The following CARMIL2 variants were observed in gnomAD, a reference collection of about 807,000 sequenced individuals.
CARMIL2 encodes the protein capping protein regulator and myosin 1 linker 2.
A neutral mutation model predicts 173.3 loss-of-function variants in CARMIL2; 96 were observed. That is an observed-to-expected ratio of 0.55 (90% CI 0.47 to 0.66). The LOEUF (loss-of-function observed/expected upper bound fraction) is 0.66, where lower values mean the gene tolerates loss of function less well. Among genes scored for constraint, CARMIL2 ranks in the 30% least tolerant of loss-of-function variants. CARMIL2 has a pLI of 0.00. For missense variants in CARMIL2, 1,771 were observed against 1,906.7 expected (o/e 0.93, Z 1.33); for synonymous variants, 830 against 817.1 (o/e 1.02, Z -0.27).
rs761866777 is a variant in CARMIL2 at position 67,652,220 on chromosome 16, G to A, written c.2698G>A (p.Ala900Thr). 4 of 1,612,734 alleles carry A rather than the reference G, an allele frequency of 2.5e-6. No homozygotes were observed. In the African/African-American group the frequency reaches 4.0e-5, roughly 16 times the overall value. ...GCAGGTGGAGAGTCTGGCTCAGCAG[G>A]CAACAGTGACAATGCCCCCTGCCCT... Reference protein sequence around the residue: ...DQLVESLAQQATVTMPPALPA... With the variant: ...DQLVESLAQQTTVTMPPALPA... Residue 900 changes from alanine (A) to threonine (T), a missense_variant, in exon 27 of 38, where the codon GCA becomes ACA. This residue lies in a region of CARMIL2 where 817 missense variants were observed against 903.5 expected (regional missense o/e 0.90). Coordinates refer to ENST00000334583, the MANE Select transcript of CARMIL2 (RefSeq NM_001013838.3). This position sits in a 1 kb window ranked among gnomAD's most constrained non-coding sequence, Gnocchi z 4.7.
rs747297516 is a variant in CARMIL2 at position 67,649,143 on chromosome 16, G to A, written c.1659G>A (p.Ala553=). Residue 553 remains alanine (A), a synonymous_variant, in exon 18 of 38, where the codon GCG becomes GCA. Coordinates refer to ENST00000334583, the MANE Select transcript of CARMIL2 (RefSeq NM_001013838.3). The surrounding 1 kb of genome is among the most constrained non-coding windows in gnomAD (Gnocchi z 6.7). ...IGRSRSLRHV[A]LGRNFNVRCK... ...GAAGCCGGTCCCTGAGACATGTGGC[G>A]CTTGGAAGGAACTTCAACGTCCGGT... is the stretch of plus-strand genomic sequence containing the variant. The A allele has an allele frequency of 2.5e-6, 4 of 1,613,544 alleles. No individual in the cohort carries two copies. The South Asian group carries it at 3.3e-5, about 13-fold the overall frequency.
chr16:67,645,960 G>A, intron 3 of CARMIL2, 58 bp from the exon 4 acceptor site: 7 of 1,607,228 alleles, frequency 4.4e-6, no homozygotes, highest in Non-Finnish European at 6.0e-6. Flanking sequence ...CCAAAGGACT[G>A]GACTTCCATG....
Position 67,647,839 on chromosome 16 carries a change from C to A in CARMIL2, c.959-7C>A. 4.4e-6 allele frequency: 7 copies of A among 1,605,862 alleles called. No homozygotes were observed. The highest frequency in any genetic ancestry group is 5.9e-6 in the Non-Finnish European group (7 of 1,176,812). On this transcript the variant is annotated splice_polypyrimidine_tract_variant and splice_region_variant and intron_variant, in intron 12 of 37. Transcript: ENST00000334583. ...CCAACTGCTGAGTGACCCCGACCCA[C>A]CACCAGGAATGAGGGCTCTGGGCCG... is the stretch of plus-strand genomic sequence containing the variant.
chr16:67,650,353 G>C, intron 22 of CARMIL2: 1 of 591,196 alleles, frequency 1.7e-6, no homozygotes, highest in South Asian at 2.0e-5. Context: ...GCTGCCTAAC[G>C]TTAAGCCTGT....
rs761849461 is a variant in CARMIL2, at chr16:67,646,893, C to T, written c.538-7C>T. 1.7e-5 allele frequency: 28 copies of T among 1,613,796 alleles called. No homozygotes were observed. Among genetic ancestry groups the T allele is most frequent in the Non-Finnish European group, 2.3e-5 (27 of 1,179,870 alleles). On this transcript the variant is annotated splice_polypyrimidine_tract_variant and splice_region_variant and intron_variant, in intron 7 of 37. Coordinates refer to ENST00000334583, the MANE Select transcript of CARMIL2 (RefSeq NM_001013838.3). The surrounding 1 kb of genome is among the most constrained non-coding windows in gnomAD (Gnocchi z 4.6). ...AGGCGAACTGTAAGCATCTCCTTCT[C>T]ACCCAGGACGTGGACACCATTTACC...
chr16:67,649,742 T>C lies in CARMIL2; in HGVS notation c.1920-64T>C. 2 of 1,582,486 alleles carry C rather than the reference T, an allele frequency of 1.3e-6. No individual in the cohort carries two copies. The highest frequency in any genetic ancestry group is 8.6e-7 in the Non-Finnish European group (1 of 1,163,134). Reference sequence around the variant, plus strand: ...GAGCAGGCTGACGAGGCGAATGGACTAGGCCGAGGGTTGGGTGGGGCGTTG... The same window carrying C: ...GAGCAGGCTGACGAGGCGAATGGACCAGGCCGAGGGTTGGGTGGGGCGTTG... On this transcript the variant is annotated intron_variant, in intron 20 of 37. Coordinates refer to ENST00000334583, the MANE Select transcript of CARMIL2 (RefSeq NM_001013838.3). The surrounding 1 kb of genome is among the most constrained non-coding windows in gnomAD (Gnocchi z 6.7).
intron 31 of CARMIL2, 24 bp from the exon 32 acceptor site, chr16:67,654,754 C>T: frequency 6.2e-7 from 1 of 1,612,670 alleles, no homozygotes; most frequent in Non-Finnish European, 8.5e-7. Context: ...GGACTGTCTC[C>T]AACTCGAGCA....
Position 67,652,396 on chromosome 16 carries a change from AGT to A in CARMIL2, c.2817+61_2817+62del. 1.3e-5 allele frequency: 21 copies of A among 1,611,902 alleles called. No homozygotes were observed. The highest frequency in any genetic ancestry group is 1.8e-5 in the Non-Finnish European group (21 of 1,178,782). On this transcript the variant is annotated intron_variant, in intron 27 of 37. Transcript: ENST00000334583. The surrounding 1 kb of genome is among the most constrained non-coding windows in gnomAD (Gnocchi z 4.7). ...TCCCAGTCTTCCCATCTTGCTGTGG[AGT>A]GTGGAAGGTGAAAGGCAGCTCTTTT...
At chr16:67,647,446 A>G in intron 10 of CARMIL2, 59 bp downstream of exon 10, 1 of 1,556,382 alleles carries the variant, frequency 6.4e-7, no homozygotes, top group South Asian at 1.2e-5. Flanking sequence ...ACTGGGGGCT[A>G]GTGGCCTGGG....
rs1160633288 is a variant in CARMIL2, at chr16:67,646,089, C to T, written c.249+9C>T. 6 of 1,613,694 alleles carry T rather than the reference C, an allele frequency of 3.7e-6. No individual in the cohort carries two copies. Among genetic ancestry groups the T allele is most frequent in the South Asian group, 1.1e-5 (1 of 91,092 alleles). On this transcript the variant is annotated intron_variant, in intron 4 of 37. Transcript: ENST00000334583. The surrounding 1 kb of genome is among the most constrained non-coding windows in gnomAD (Gnocchi z 4.6). ...AGGAGACACCCCCTCAGGTGAGACA[C>T]CTAGTACCCTACCTGGGCCTGCAGC...
In CARMIL2 at chr16:67,652,562, G is replaced by C. The variant is rs779999068; in HGVS notation, c.2884+24G>C. ...CAGTAAGTCAGGGCCTTGGGGGAGGGAGTTTACGTGGGTGGGCTGAAGCTC... is the reference window on the plus strand; with the variant it reads ...CAGTAAGTCAGGGCCTTGGGGGAGGCAGTTTACGTGGGTGGGCTGAAGCTC... On this transcript the variant is annotated intron_variant, in intron 28 of 37. Coordinates refer to ENST00000334583, the MANE Select transcript of CARMIL2 (RefSeq NM_001013838.3). The surrounding 1 kb of genome is among the most constrained non-coding windows in gnomAD (Gnocchi z 4.7). 31 of 1,608,320 alleles carry C rather than the reference G, an allele frequency of 1.9e-5. No homozygotes were observed. The East Asian group carries it at 6.7e-4, about 35-fold the overall frequency.
rs2052660900 is a variant in CARMIL2, at chr16:67,648,995, A to C, written c.1591+21A>C. ...TAACGGTGAGGCTGCAGGAGAGCCC[A>C]TCCTCGCATCATCCACTCGATTCCC... On this transcript the variant is annotated intron_variant, in intron 17 of 37. Coordinates refer to ENST00000334583, the MANE Select transcript of CARMIL2 (RefSeq NM_001013838.3). The surrounding 1 kb of genome is among the most constrained non-coding windows in gnomAD (Gnocchi z 6.1). The C allele has an allele frequency of 6.2e-7, 1 of 1,604,214 alleles. No individual in the cohort carries two copies. Among genetic ancestry groups the C allele is most frequent in the Non-Finnish European group, 8.5e-7 (1 of 1,175,998 alleles).
At position 67,647,695 on chromosome 16, in the gene CARMIL2, GCAGAC is replaced by G. The variant is rs1410222615; in HGVS notation, c.888_892del (p.Ser296ArgfsTer64). 2 of 1,598,644 alleles carry G rather than the reference GCAGAC, an allele frequency of 1.3e-6. No individual in the cohort carries two copies. Among genetic ancestry groups the G allele is most frequent in the African/African-American group, 1.3e-5 (1 of 74,530 alleles). On this transcript the variant is annotated frameshift_variant, in exon 12 of 38. Coordinates refer to ENST00000334583, the MANE Select transcript of CARMIL2 (RefSeq NM_001013838.3). LOFTEE classifies it high-confidence loss of function. ...ACCCCCCAAGGCATGACTGCACTCA[GCAGAC>G]ACCTCGAGCGTTGTCCAGGAGCCCT...
rs1189913932 is a variant in CARMIL2 at position 67,646,358 on chromosome 16, TGAGAAGGGCTGCTTCCCATCCCA to T, written c.374+52_375-42del. 1 of 1,608,018 alleles carries T rather than the reference TGAGAAGGGCTGCTTCCCATCCCA, an allele frequency of 6.2e-7. No individual in the cohort carries two copies. The highest frequency in any genetic ancestry group is 1.3e-5 in the African/African-American group (1 of 74,794). The stretch of plus-strand genomic sequence containing the variant: ...GGCTGGCAGGGGAGGAGGGAGTGCA[TGAGAAGGGCTGCTTCCCATCCCA>T]GAGGCTGGAAGTCCTTTGCCCCCTT... On this transcript the variant is annotated intron_variant, in intron 5 of 37. Coordinates refer to ENST00000334583, the MANE Select transcript of CARMIL2 (RefSeq NM_001013838.3). This position sits in a 1 kb window ranked among gnomAD's most constrained non-coding sequence, Gnocchi z 4.6.
Position 67,646,343 on chromosome 16 carries a change from G to A in CARMIL2, c.374+33G>A. 3 of 1,609,866 alleles carry A rather than the reference G, an allele frequency of 1.9e-6. No homozygotes were observed. The highest frequency in any genetic ancestry group is 2.5e-6 in the Non-Finnish European group (3 of 1,177,148). On this transcript the variant is annotated intron_variant, in intron 5 of 37. Transcript: ENST00000334583. This position sits in a 1 kb window ranked among gnomAD's most constrained non-coding sequence, Gnocchi z 4.6. Reference sequence around the variant, plus strand: ...CTGGCAAATTCGAGGGGCTGGCAGGGGAGGAGGGAGTGCATGAGAAGGGCT... The same window carrying A: ...CTGGCAAATTCGAGGGGCTGGCAGGAGAGGAGGGAGTGCATGAGAAGGGCT...
chr16:67,652,169 C>T lies in CARMIL2; in HGVS notation c.2677-30C>T. 2 of 1,607,728 alleles carry T rather than the reference C, an allele frequency of 1.2e-6. No homozygotes were observed. Among genetic ancestry groups the T allele is most frequent in the Non-Finnish European group, 1.7e-6 (2 of 1,177,712 alleles). ...CAATGGGATCATGGCTGAGGCCCTA[C>T]CTGCCATCTTTGGCTGCTTGGTATT... On this transcript the variant is annotated intron_variant, in intron 26 of 37. Transcript: ENST00000334583. This position sits in a 1 kb window ranked among gnomAD's most constrained non-coding sequence, Gnocchi z 4.7.
rs2052882071 is a variant in CARMIL2, at chr16:67,657,246, CCT to C, written c.4126_4127del (p.Leu1376GlufsTer42). On this transcript the variant is annotated frameshift_variant, in exon 37 of 38. Transcript: ENST00000334583. LOFTEE classifies it high-confidence loss of function. This position sits in a 1 kb window ranked among gnomAD's most constrained non-coding sequence, Gnocchi z 4.5. ...CCTTTCTGTGTCCCTTAGAACGGCCCCTGAGGCTGCAGCGCTCCCCCGTCCTC... is the reference window on the plus strand; with the variant it reads ...CCTTTCTGTGTCCCTTAGAACGGCCCGAGGCTGCAGCGCTCCCCCGTCCTC... ...DQLQAPAERP[L>X]RLQRSPVLKR... is the part of the protein sequence containing the mutation. The C allele has an allele frequency of 1.2e-6, 2 of 1,613,736 alleles. No homozygotes were observed. The highest frequency in any genetic ancestry group is 8.5e-7 in the Non-Finnish European group (1 of 1,179,792).
chr16:67,654,135 A>G lies in CARMIL2; in HGVS notation c.3121-14A>G, dbSNP rs1323818874. ...GCACTCAACCCTGACCCCTGACCCC[A>G]TGATGCCCCCCAGGTACCCCCAGCC... On this transcript the variant is annotated splice_polypyrimidine_tract_variant and intron_variant, in intron 29 of 37. Coordinates refer to ENST00000334583, the MANE Select transcript of CARMIL2 (RefSeq NM_001013838.3). 3.5e-6 allele frequency: 5 copies of G among 1,426,328 alleles called. No homozygotes were observed. The East Asian group carries it at 1.0e-4, about 30-fold the overall frequency. The allele number at this position is 1,426,328 out of a possible 1,614,324, so 88.4% of individuals were successfully genotyped here.
Position 67,652,052 on chromosome 16 carries a change from G to A in CARMIL2, c.2676+44G>A. 1.2e-6 allele frequency: 2 copies of A among 1,607,438 alleles called. No homozygotes were observed. Among genetic ancestry groups the A allele is most frequent in the Non-Finnish European group, 1.7e-6 (2 of 1,174,660 alleles). ...CACACTTTCGTGCAAACACACACATGCAGTGACTTGGCCATCTCCCTTGCA... is the reference window on the plus strand; with the variant it reads ...CACACTTTCGTGCAAACACACACATACAGTGACTTGGCCATCTCCCTTGCA... On this transcript the variant is annotated intron_variant, in intron 26 of 37. Transcript: ENST00000334583. The surrounding 1 kb of genome is among the most constrained non-coding windows in gnomAD (Gnocchi z 4.7).
Sources: gnomAD v4.1 joint callset for allele counts on GRCh38, gnomAD v4.1.1 for gene constraint, gnomAD v4.1.1 regional missense constraint, Gnocchi (gnomAD v3.1) non-coding constraint, MANE v1.5 for transcripts, NCBI Gene and HGNC (gene_info 2026-07-23, HGNC 2026-07-21) for gene names.